The following CIBAR1 variants were observed in gnomAD, a reference collection of about 807,000 sequenced individuals.
CIBAR1 encodes the protein CBY1-interacting BAR domain-containing protein 1.
In CIBAR1, 25 loss-of-function variants were observed where a neutral mutation model predicts 44.0. The observed-to-expected ratio is 0.57, with a 90% CI of 0.41 to 0.79. The LOEUF is 0.79. Ranked by LOEUF, CIBAR1 falls within the 30% of genes least tolerant of loss-of-function variation. CIBAR1 has a pLI of 0.00. For missense variants in CIBAR1, 278 were observed against 344.8 expected (o/e 0.81, Z 1.53); for synonymous variants, 115 against 119.0 (o/e 0.97, Z 0.22).
At chr8:93,725,038 C>A (rs572412871) in intron 7 of CIBAR1, among the ~76,000 whole-genome samples, 1 of 152,000 alleles carries the variant, frequency 6.6e-6, no homozygotes, top group Admixed American at 6.6e-5. Context: ...AGTGCAGTGG[C>A]GTGTTGTGAT....
chr8:93,719,101 T>TAAA (rs1291432560), intron 7 of CIBAR1, among the ~76,000 whole-genome samples: 6 of 152,238 alleles, frequency 3.9e-5, no homozygotes, highest in African/African-American at 1.4e-4. Context: ...TGATCTCAAG[T>TAAA]GATACGCCCA....
intron 1 of CIBAR1, 37 bp from the exon 2 acceptor site, chr8:93,701,187 C>T (rs1215847438): frequency 1.3e-6 from 2 of 1,589,092 alleles, no homozygotes; most frequent in Non-Finnish European, 1.7e-6. Flanking sequence ...TCATCTCTAA[C>T]GAGAATGTTT....
At chr8:93,726,313 A>G (rs1811497753) in intron 7 of CIBAR1, 81 bp from the exon 8 acceptor site, 4 of 1,301,854 alleles carry the variant, frequency 3.1e-6, no homozygotes, top group Non-Finnish European at 4.1e-6. Context: ...TTTAAAAAAA[A>G]ATCTTAACTA....
At position 93,730,524 on chromosome 8, in the gene CIBAR1, G is replaced by A. The variant is rs547935862; in HGVS notation, c.*2227G>A. On this transcript the variant is annotated 3_prime_UTR_variant, in exon 9 of 9. Transcript: ENST00000518322. ...GGAGAGGAAAAACTGGCTATGAGAC[G>A]ACAATTACTGAAGCTGAGTGATGTG... 39 of 152,242 alleles carry A rather than the reference G, an allele frequency of 2.6e-4. No individual in the cohort carries two copies. The highest frequency in any genetic ancestry group is 3.8e-4 in the Non-Finnish European group (26 of 68,020). 9.4% of individuals were successfully genotyped at this position (152,242 alleles called of 1,614,324 possible).
Position 93,704,964 on chromosome 8 carries a change from A to C in CIBAR1, c.386A>C (p.Gln129Pro). Reference sequence around the variant, plus strand: ...AATCGAGAAGCTAAGCAATTAACTCAGTTAGAAAGAACACGTCAGCGAAAC... The same window carrying C: ...AATCGAGAAGCTAAGCAATTAACTCCGTTAGAAAGAACACGTCAGCGAAAC... The part of the protein sequence containing the change: ...ARNREAKQLT[Q>P]LERTRQRNPS... Residue 129 changes from glutamine (Q) to proline (P), a missense_variant, in exon 4 of 9, where the codon CAG (glutamine) becomes CCG (proline). By Grantham distance (76) the Gln-to-Pro change is moderately conservative. Transcript: ENST00000518322. The C allele has an allele frequency of 1.2e-6, 2 of 1,612,858 alleles. No homozygotes were observed.
chr8:93,717,725 A>G (rs1326300883), intron 6 of CIBAR1, among the ~76,000 whole-genome samples: 1 of 152,324 alleles, frequency 6.6e-6, no homozygotes, highest in South Asian at 2.1e-4. Context: ...ACTGCCTACT[A>G]ATATAATCCA....
At chr8:93,702,358 G>A (rs984786433) in intron 2 of CIBAR1, 26 of 387,652 alleles carry the variant, frequency 6.7e-5, no homozygotes, top group Admixed American at 5.9e-4. Flanking sequence ...GGGACTTAAT[G>A]TTTCAAAGAT....
chr8:93,712,726 A>G (rs1379307705), intron 6 of CIBAR1, among the ~76,000 whole-genome samples: 1 of 151,628 alleles, frequency 6.6e-6, no homozygotes, highest in Non-Finnish European at 1.5e-5. Context: ...TCTTGATTGT[A>G]GTTCTCCTAG....
intron 2 of CIBAR1, chr8:93,701,698 C>A: frequency 2.0e-6 from 1 of 498,460 alleles, no homozygotes; most frequent in Non-Finnish European, 3.6e-6. Context: ...ACTTTATTTG[C>A]CAACTTTTGG....
At chr8:93,715,864 A>G (rs1811018431) in intron 6 of CIBAR1, 2 of 152,198 alleles carry the variant, frequency 1.3e-5, no homozygotes, top group South Asian at 4.1e-4. Context: ...ACACATTGTT[A>G]AACAGCAGCC....
chr8:93,701,000 A>G, intron 1 of CIBAR1: 1 of 1,409,384 alleles, frequency 7.1e-7, no homozygotes. Flanking sequence ...CTCCCCAGTT[A>G]AGGCCAGGCC....
chr8:93,700,865 C>T, intron 1 of CIBAR1, 192 bp downstream of exon 1: 1 of 1,309,876 alleles, frequency 7.6e-7, no homozygotes, highest in Non-Finnish European at 9.6e-7. Context: ...GAGCCCGGGG[C>T]CCGGCCGGCT....
At chr8:93,705,916 C>CT (rs1810560207) in intron 4 of CIBAR1, 1 of 151,734 alleles carries the variant, frequency 6.6e-6, no homozygotes, top group Non-Finnish European at 1.5e-5. Context: ...CACCACTGCA[C>CT]TCCAGCCTGG....
At chr8:93,715,476 T>C (rs1563645912) in intron 6 of CIBAR1, 1 of 152,202 alleles carries the variant, frequency 6.6e-6, no homozygotes, top group Non-Finnish European at 1.5e-5. Context: ...AATATTCATT[T>C]TTTATTTTAT....
intron 6 of CIBAR1, chr8:93,715,456 A>G (rs907658886): frequency 3.3e-5 from 5 of 152,180 alleles, no homozygotes; most frequent in African/African-American, 9.7e-5. Context: ...ATTTAGTCTC[A>G]CCACCCAAAA....
At position 93,730,490 on chromosome 8, in the gene CIBAR1, T is replaced by G. The variant is rs565287817; in HGVS notation, c.*2193T>G. 1 of 152,174 alleles carries G rather than the reference T, an allele frequency of 6.6e-6. No individual in the cohort carries two copies. The highest frequency in any genetic ancestry group is 2.1e-4 in the South Asian group (1 of 4,830). The allele number at this position is 152,174 out of a possible 1,614,324, so 9.4% of individuals were successfully genotyped here. A position where few individuals can be genotyped will look rare whatever the true frequency, so the allele number is the denominator to read the frequency against. ...ACACCTCCAGTGTACCTGGTATACC[T>G]TGAGGATAGGAGAGGAAAAACTGGC... On this transcript the variant is annotated 3_prime_UTR_variant, in exon 9 of 9. Transcript: ENST00000518322.
intron 4 of CIBAR1, 190 bp downstream of exon 4, chr8:93,705,200 TTA>T (rs1810532275): frequency 4.0e-6 from 2 of 501,558 alleles, no homozygotes; most frequent in Non-Finnish European, 7.0e-6. Context: ...TCAAATCCCC[TTA>T]TATTGTTTTA....
Position 93,706,837 on chromosome 8 carries a change from A to G in CIBAR1, c.433-1174A>G, listed in dbSNP as rs58461412. Among the ~76,000 whole-genome samples the G allele has an allele frequency of 0.021, 3,202 of 152,334 alleles. 221 individuals carry two copies. The East Asian group carries it at 0.22, about 11-fold the overall frequency. ...GACAATCTACATACAAATGTAGTCA[A>G]TATAAATATACAAATATTCGATCAT... is the stretch of plus-strand genomic sequence containing the variant. On this transcript the variant is annotated intron_variant, in intron 4 of 8. Transcript: ENST00000518322.
intron 4 of CIBAR1, chr8:93,705,366 A>T (rs1485413027): frequency 2.8e-5 from 7 of 248,294 alleles, no homozygotes; most frequent in Admixed American, 1.1e-4. Flanking sequence ...AGTGTCCTCT[A>T]TGCCCTGCTT....
Sources: gnomAD v4.1 joint callset for allele counts (sites outside exome capture counted in the v4.1 genomes callset) on GRCh38, gnomAD v4.1.1 for gene constraint, MANE v1.5 for transcripts, NCBI Gene and HGNC (gene_info 2026-07-23, HGNC 2026-07-21) for gene names.